The following MCPH1 variants were observed in gnomAD, a reference collection of about 807,000 sequenced individuals.
MCPH1 encodes the protein microcephalin 1.
In MCPH1, 104 loss-of-function variants were observed where a neutral mutation model predicts 84.5. The ratio of observed to expected loss-of-function variants is 1.23; its 90% confidence interval spans 1.05 to 1.45. The LOEUF is 1.45. Among genes scored for constraint, MCPH1 ranks in the 40% most tolerant of loss-of-function variants. The pLI is 0.00. For missense variants in MCPH1, 1,498 were observed against 1,005.7 expected (o/e 1.49, Z -6.62); for synonymous variants, 514 against 366.8 (o/e 1.40, Z -4.58).
intron 12 of MCPH1, among the ~76,000 whole-genome samples, chr8:6,531,502 G>A (rs371867816): frequency 9.9e-5 from 15 of 152,164 alleles, no homozygotes; most frequent in Middle Eastern, 6.8e-3. Context: ...ATGTTGGCCA[G>A]GCTGGTCTCG....
intron 12 of MCPH1, among the ~76,000 whole-genome samples, chr8:6,593,532 T>C (rs1828684350): frequency 6.6e-6 from 1 of 152,002 alleles, no homozygotes; most frequent in Admixed American, 6.6e-5. Flanking sequence ...TTTTGTATTT[T>C]TAATAAAGAT....
chr8:6,589,994 C>T (rs1828307784), intron 12 of MCPH1, among the ~76,000 whole-genome samples: 2 of 152,150 alleles, frequency 1.3e-5, no homozygotes, highest in South Asian at 4.1e-4. Flanking sequence ...ATGGCACTGT[C>T]CCCGAAACGA....
chr8:6,521,084 C>T (rs990970234), intron 12 of MCPH1: 19 of 862,408 alleles, frequency 2.2e-5, no homozygotes, highest in African/African-American at 8.5e-5. Flanking sequence ...TGAGAAATAG[C>T]GCCTTTTCTG....
intron 3 of MCPH1, among the ~76,000 whole-genome samples, chr8:6,422,860 T>C (rs1381748516): frequency 1.3e-5 from 2 of 151,810 alleles, no homozygotes; most frequent in Admixed American, 6.6e-5. Flanking sequence ...GGCTAATTTT[T>C]TGTGGTTTTA....
intron 8 of MCPH1, chr8:6,446,899 CG>C: frequency 1.0e-6 from 1 of 984,808 alleles, no homozygotes; most frequent in Non-Finnish European, 1.2e-6. Context: ...CGACAGCCTC[CG>C]GGGTTGGGGG....
chr8:6,522,997 T>C (rs73199051), intron 12 of MCPH1, among the ~76,000 whole-genome samples: 11,389 of 145,084 alleles, frequency 0.078, 509 homozygotes, highest in African/African-American at 0.13. Context: ...CCTTGAAAAG[T>C]TTTTTTTTTT....
At chr8:6,432,934 C>G (rs909331445) in intron 4 of MCPH1, among the ~76,000 whole-genome samples, 5 of 152,206 alleles carry the variant, frequency 3.3e-5, no homozygotes, top group African/African-American at 1.2e-4. Flanking sequence ...TTTGATTGCC[C>G]TCCCTCAATG....
chr8:6,555,177 A>G (rs1239645497), intron 12 of MCPH1, among the ~76,000 whole-genome samples: 3 of 152,152 alleles, frequency 2.0e-5, no homozygotes, highest in Non-Finnish European at 2.9e-5. Context: ...AAGCATTAAC[A>G]TAATCCAAGT....
At chr8:6,558,843 G>A (rs1825064887) in intron 12 of MCPH1, among the ~76,000 whole-genome samples, 1 of 151,898 alleles carries the variant, frequency 6.6e-6, no homozygotes, top group South Asian at 2.1e-4. Context: ...TCCATATAGA[G>A]TAAACATGTA....
chr8:6,640,127 T>C (rs1257159090), intron 13 of MCPH1, among the ~76,000 whole-genome samples: 3 of 151,660 alleles, frequency 2.0e-5, no homozygotes, highest in Non-Finnish European at 4.4e-5. Context: ...TGTGCGTGTG[T>C]GTGTGTGTTT....
At position 6,490,903 on chromosome 8, in the gene MCPH1, G is replaced by A. The variant is rs1028311721; in HGVS notation, c.2137-8949G>A. ...TTCTCTGCCAGAATATTGAAGTTGT[G>A]CCTAAGTTAATAATTTAACAAGCAT... is the stretch of plus-strand genomic sequence containing the variant. On this transcript the variant is annotated intron_variant, in intron 11 of 13. Coordinates refer to ENST00000344683, the MANE Select transcript of MCPH1 (RefSeq NM_024596.5). 3.3e-4 allele frequency among the ~76,000 whole-genome samples: 49 copies of A among 150,742 alleles called. 1 individual carries two copies. The highest frequency in any genetic ancestry group is 1.2e-3 in the African/African-American group (48 of 41,084).
At chr8:6,572,140 G>T (rs1382033584) in intron 12 of MCPH1, among the ~76,000 whole-genome samples, 1 of 151,910 alleles carries the variant, frequency 6.6e-6, no homozygotes, top group Non-Finnish European at 1.5e-5. Flanking sequence ...CTGAAGAGAG[G>T]ATGCAGTATT....
chr8:6,595,310 C>A (rs141557855), intron 12 of MCPH1, among the ~76,000 whole-genome samples: 71 of 152,276 alleles, frequency 4.7e-4, no homozygotes, highest in African/African-American at 1.6e-3. Flanking sequence ...AGGGTATGTA[C>A]TGTAGGAGCA....
chr8:6,604,038 C>A (rs547709723), intron 12 of MCPH1, among the ~76,000 whole-genome samples: 1 of 149,858 alleles, frequency 6.7e-6, no homozygotes, highest in Non-Finnish European at 1.5e-5. Flanking sequence ...ACATATGTCT[C>A]CTTTGATCCG....
chr8:6,473,899 A>G (rs752269922), intron 9 of MCPH1: 31 of 1,537,940 alleles, frequency 2.0e-5, no homozygotes, highest in Middle Eastern at 1.7e-4. Context: ...GATCTACATT[A>G]TTTTCTAGCT....
intron 12 of MCPH1, among the ~76,000 whole-genome samples, chr8:6,585,770 G>A (rs1394504813): frequency 6.6e-6 from 1 of 152,112 alleles, no homozygotes; most frequent in Non-Finnish European, 1.5e-5. Flanking sequence ...GAGCAACTTG[G>A]CCTGTACTTC....
In MCPH1 at chr8:6,644,441, A is replaced by C. The variant is rs1798113662; in HGVS notation, c.*1392A>C. The stretch of plus-strand genomic sequence containing the variant: ...TGCCGATATGATTCTATACCTAGAA[A>C]ACCCTAAAGACTCTGCCAAAAGGCT... On this transcript the variant is annotated 3_prime_UTR_variant, in exon 14 of 14. Transcript: ENST00000344683. 6.6e-6 allele frequency: 1 copy of C among 152,232 alleles called. No individual in the cohort carries two copies. Among genetic ancestry groups the C allele is most frequent in the South Asian group, 2.1e-4 (1 of 4,832 alleles). 9.4% of individuals were successfully genotyped at this position (152,232 alleles called of 1,614,324 possible).
Position 6,621,692 on chromosome 8 carries a change from G to A in MCPH1, c.2452+1G>A. On this transcript the variant is annotated splice_donor_variant, in intron 13 of 13. Transcript: ENST00000344683. LOFTEE classifies it high-confidence loss of function. Reference sequence around the variant, plus strand: ...TATCTGTCTGAGAAATGGGTCTTAGGTAAGAATCCAGGCACACAGACGCTG... The same window carrying A: ...TATCTGTCTGAGAAATGGGTCTTAGATAAGAATCCAGGCACACAGACGCTG... 1.2e-6 allele frequency: 2 copies of A among 1,614,158 alleles called. No individual in the cohort carries two copies. Among genetic ancestry groups the A allele is most frequent in the Non-Finnish European group, 1.7e-6 (2 of 1,180,044 alleles).
chr8:6,451,802 T>C (rs1805122323), intron 8 of MCPH1, among the ~76,000 whole-genome samples: 2 of 152,060 alleles, frequency 1.3e-5, no homozygotes, highest in Admixed American at 1.3e-4. Context: ...TTAGAAGACA[T>C]TTCTCATTGG....
Sources: allele counts gnomAD v4.1 joint callset (sites outside exome capture counted in the v4.1 genomes callset), GRCh38; gene constraint gnomAD v4.1.1; transcripts MANE v1.5; gene names NCBI Gene and HGNC (gene_info 2026-07-23, HGNC 2026-07-21).